The following PIEZO2 variants were observed in gnomAD, a reference collection of about 807,000 sequenced individuals.
PIEZO2 encodes the protein piezo-type mechanosensitive ion channel component 2.
PIEZO2 carries 172 observed loss-of-function variants against 337.3 expected under a neutral mutation model. The ratio of observed to expected loss-of-function variants is 0.51; its 90% CI spans 0.45 to 0.58. The LOEUF is 0.58. Among genes scored for constraint, PIEZO2 ranks in the 20% least tolerant of loss-of-function variants. The pLI, the probability that PIEZO2 is intolerant of heterozygous loss-of-function variation, is 0.00. For missense variants in PIEZO2, 3,028 were observed against 3,391.3 expected (o/e 0.89, Z 2.66); for synonymous variants, 1,251 against 1,228.5 (o/e 1.02, Z -0.38).
chr18:10,953,817 T>C lies in PIEZO2; in HGVS notation c.286+25718A>G, dbSNP rs1005231597. ...ACACCGGGGTGCACTTGGGAACAGA[T>C]GAACAAGCAGGGGCAGCAAGAGAGA... On this transcript the variant is annotated intron_variant, in intron 3 of 55. Coordinates refer to ENST00000674853, the MANE Select transcript of PIEZO2 (RefSeq NM_001378183.1). The surrounding 1 kb of genome is among the most constrained non-coding windows in gnomAD (Gnocchi z 5.2). Among the ~76,000 whole-genome samples the C allele has an allele frequency of 6.0e-4, 91 of 152,014 alleles. No homozygotes were observed. The highest frequency in any genetic ancestry group is 2.1e-3 in the African/African-American group (87 of 41,338).
At position 10,857,193 on chromosome 18, in the gene PIEZO2, C is replaced by A; in HGVS notation, c.511G>T (p.Asp171Tyr). Residue 171 changes from aspartate to tyrosine, a missense_variant, in exon 6 of 56, where the codon GAT becomes TAT. By Grantham distance (160) the Asp-to-Tyr change is radical (BLOSUM62 -3). This residue lies in a region of PIEZO2 where 542 missense variants were observed against 605.6 expected (regional missense o/e 0.89). Coordinates refer to ENST00000674853, the MANE Select transcript of PIEZO2 (RefSeq NM_001378183.1). Reference protein sequence around the residue: ...NEELAEGEKIDSEEALIYEED... With the variant: ...NEELAEGEKIYSEEALIYEED... Reference sequence around the variant, plus strand: ...TCATAGATCAGTGCCTCTTCTGAATCAATTTTTTCTCCTTCAGCCTAAATA... The same window carrying A: ...TCATAGATCAGTGCCTCTTCTGAATAAATTTTTTCTCCTTCAGCCTAAATA... 6.5e-7 allele frequency: 1 copy of A among 1,537,756 alleles called. No homozygotes were observed. Among genetic ancestry groups the A allele is most frequent in the Non-Finnish European group, 8.7e-7 (1 of 1,147,036 alleles).
chr18:10,950,695 T>C (rs1176034945), intron 3 of PIEZO2, among the ~76,000 whole-genome samples: 1 of 152,184 alleles, frequency 6.6e-6, no homozygotes, highest in Non-Finnish European at 1.5e-5. Context: ...AACACAAACC[T>C]GTCAAACATT....
At chr18:11,067,377 ACTTT>A (rs889264132) in intron 1 of PIEZO2, among the ~76,000 whole-genome samples, 19 of 152,182 alleles carry the variant, frequency 1.2e-4, no homozygotes, top group Non-Finnish European at 2.1e-4. Flanking sequence ...ATGTAACCAT[ACTTT>A]CTTTAAGAAA....
chr18:11,131,958 C>A lies in PIEZO2; in HGVS notation c.64+16567G>T, dbSNP rs2040352852. On this transcript the variant is annotated intron_variant, in intron 1 of 55. Transcript: ENST00000674853. This position sits in a 1 kb window ranked among gnomAD's most constrained non-coding sequence, Gnocchi z 5.3. ...TGGAGGTTATACATGGGCTCAGTAA[C>A]AAGGACTTCCATTGACCAAGGCTGA... Among the ~76,000 whole-genome samples, 1 of 152,182 alleles carries A rather than the reference C, an allele frequency of 6.6e-6. No homozygotes were observed. Among genetic ancestry groups the A allele is most frequent in the African/African-American group, 2.4e-5 (1 of 41,446 alleles).
intron 2 of PIEZO2, among the ~76,000 whole-genome samples, chr18:11,026,546 G>A (rs2036547918): frequency 6.6e-6 from 1 of 152,166 alleles, no homozygotes; most frequent in Admixed American, 6.5e-5. Context: ...GAAGCACCAG[G>A]TGCTGATGCC....
At chr18:11,118,397 T>G (rs984397499) in intron 1 of PIEZO2, among the ~76,000 whole-genome samples, 1 of 152,216 alleles carries the variant, frequency 6.6e-6, no homozygotes, top group Non-Finnish European at 1.5e-5. Context: ...GTGACAACTC[T>G]GAGATGTGTT....
intron 3 of PIEZO2, among the ~76,000 whole-genome samples, chr18:10,958,765 G>A (rs1042727314): frequency 2.0e-5 from 3 of 151,890 alleles, no homozygotes; most frequent in African/African-American, 4.8e-5. Context: ...CATGTACTTC[G>A]GGCAACCCAT....
chr18:11,066,633 CCT>C (rs1265857044), intron 1 of PIEZO2, among the ~76,000 whole-genome samples: 2 of 151,982 alleles, frequency 1.3e-5, no homozygotes, highest in Non-Finnish European at 2.9e-5. Flanking sequence ...TGAGTTTTGC[CCT>C]GTTGCCTAGG....
intron 3 of PIEZO2, among the ~76,000 whole-genome samples, chr18:10,968,476 T>G (rs921860389): frequency 1.3e-5 from 2 of 152,308 alleles, no homozygotes; most frequent in East Asian, 3.9e-4. Flanking sequence ...ATTTTCTAGC[T>G]GTGTGAAGAA....
rs980150978 is a variant in PIEZO2 at position 10,773,053 on chromosome 18, G to A, written c.2785+359C>T. Among the ~76,000 whole-genome samples, 4 of 152,140 alleles carry A rather than the reference G, an allele frequency of 2.6e-5. No individual in the cohort carries two copies. The highest frequency in any genetic ancestry group is 6.5e-5 in the Admixed American group (1 of 15,282). On this transcript the variant is annotated intron_variant, in intron 20 of 55. Transcript: ENST00000674853. The surrounding 1 kb of genome is among the most constrained non-coding windows in gnomAD (Gnocchi z 5.3). ...TTCTTGAGAATGCATTTGTAAGGGCGATGTCTAGAGCCTTTGAGATTCTGC... is the reference window on the plus strand; with the variant it reads ...TTCTTGAGAATGCATTTGTAAGGGCAATGTCTAGAGCCTTTGAGATTCTGC...
chr18:10,713,967 T>G lies in PIEZO2; in HGVS notation c.5423+797A>C, dbSNP rs114959340. 4.7e-3 allele frequency among the ~76,000 whole-genome samples: 716 copies of G among 152,244 alleles called. 4 individuals are homozygous for G. Among genetic ancestry groups the G allele is most frequent in the African/African-American group, 0.016 (683 of 41,556 alleles). ...AGGCTTTTCTGGGACAGGCAGTAAG[T>G]TGGTCTGCGGTGCAGGAAGAGGCAA... is the stretch of plus-strand genomic sequence containing the variant. On this transcript the variant is annotated intron_variant, in intron 39 of 55. Coordinates refer to ENST00000674853, the MANE Select transcript of PIEZO2 (RefSeq NM_001378183.1). This position sits in a 1 kb window ranked among gnomAD's most constrained non-coding sequence, Gnocchi z 4.5.
At chr18:10,999,753 A>G (rs1388030080) in intron 2 of PIEZO2, among the ~76,000 whole-genome samples, 4 of 152,226 alleles carry the variant, frequency 2.6e-5, no homozygotes, top group Admixed American at 6.5e-5. Context: ...TGTCTTAGAA[A>G]GCAAGTATTT....
At chr18:10,843,675 C>T (rs990537130) in intron 7 of PIEZO2, among the ~76,000 whole-genome samples, 4 of 152,144 alleles carry the variant, frequency 2.6e-5, no homozygotes, top group South Asian at 2.1e-4. Context: ...ATTGGTACCT[C>T]GGGCATGCTG....
intron 1 of PIEZO2, among the ~76,000 whole-genome samples, chr18:11,115,233 A>ATT (rs2039856222): frequency 6.6e-6 from 1 of 152,234 alleles, no homozygotes; most frequent in African/African-American, 2.4e-5. Context: ...ATAAATAAAT[A>ATT]TGTTCATTTG....
At chr18:11,091,383 CAAAAAAAA>C (rs529307821) in intron 1 of PIEZO2, among the ~76,000 whole-genome samples, 1 of 77,858 alleles carries the variant, frequency 1.3e-5, no homozygotes, top group Non-Finnish European at 2.8e-5. Flanking sequence ...GACTCCGTCT[CAAAAAAAA>C]AAAAAAAAGA....
At position 10,914,758 on chromosome 18, in the gene PIEZO2, C is replaced by CT. The variant is rs1364418221; in HGVS notation, c.287-3531dup. Among the ~76,000 whole-genome samples the CT allele has an allele frequency of 5.3e-5, 8 of 152,072 alleles. No individual in the cohort carries two copies. The East Asian group carries it at 1.5e-3, about 29-fold the overall frequency. The stretch of plus-strand genomic sequence containing the variant: ...TGATTCTTCACTTTCAGAAACTGTC[C>CT]TTTGTAGATCCAGTATCCGGTCAAC... On this transcript the variant is annotated intron_variant, in intron 3 of 55. Coordinates refer to ENST00000674853, the MANE Select transcript of PIEZO2 (RefSeq NM_001378183.1).
At chr18:11,043,795 G>A (rs1431244297) in intron 2 of PIEZO2, among the ~76,000 whole-genome samples, 1 of 151,922 alleles carries the variant, frequency 6.6e-6, no homozygotes, top group East Asian at 1.9e-4. Context: ...TCAGCCTCCT[G>A]AGTAGCTGAG....
At position 11,110,701 on chromosome 18, in the gene PIEZO2, C is replaced by T. The variant is rs2039704540; in HGVS notation, c.64+37824G>A. Among the ~76,000 whole-genome samples the T allele has an allele frequency of 1.3e-5, 2 of 151,150 alleles. No homozygotes were observed. The highest frequency in any genetic ancestry group is 2.1e-4 in the South Asian group (1 of 4,778). ...TCGTCATCCTTTCCGCCCCTCCCCG[C>T]CCCGGCCCGCCCGCCCCGGGTCTTG... On this transcript the variant is annotated intron_variant, in intron 1 of 55. Coordinates refer to ENST00000674853, the MANE Select transcript of PIEZO2 (RefSeq NM_001378183.1). This position sits in a 1 kb window ranked among gnomAD's most constrained non-coding sequence, Gnocchi z 4.2.
chr18:11,079,114 A>G (rs2038647771), intron 1 of PIEZO2, among the ~76,000 whole-genome samples: 1 of 152,148 alleles, frequency 6.6e-6, no homozygotes, highest in Non-Finnish European at 1.5e-5. Context: ...TGATTTTGTG[A>G]TCACTAGATT....
Sources: allele counts gnomAD v4.1 joint callset (sites outside exome capture counted in the v4.1 genomes callset), GRCh38; gene constraint gnomAD v4.1.1; regional missense constraint gnomAD v4.1.1; non-coding constraint Gnocchi (gnomAD v3.1); transcripts MANE v1.5; gene names NCBI Gene and HGNC (gene_info 2026-07-23, HGNC 2026-07-21).